Variants in AKAP13 observed in about 807,000 individuals in gnomAD.
AKAP13 encodes the protein A-kinase anchoring protein 13.
AKAP13 carries 80 observed loss-of-function variants against 264.5 expected under a neutral mutation model. The ratio of observed to expected loss-of-function variants is 0.30; its 90% CI spans 0.25 to 0.36. The LOEUF (loss-of-function observed/expected upper bound fraction) is 0.36. Among genes scored for constraint, AKAP13 ranks in the 10% least tolerant of loss-of-function variants. The pLI, the probability that AKAP13 is intolerant of heterozygous loss-of-function variation, is 1.00. For missense variants in AKAP13, 3,712 were observed against 3,435.2 expected (o/e 1.08, Z -2.01); for synonymous variants, 1,380 against 1,250.2 (o/e 1.10, Z -2.19).
chr15:85,442,960 C>G (rs1325980775), intron 1 of AKAP13, among the ~76,000 whole-genome samples: 3 of 152,272 alleles, frequency 2.0e-5, no homozygotes, highest in South Asian at 2.1e-4. Context: ...TTTGTTTCCT[C>G]TCTTCATCCT....
intron 1 of AKAP13, among the ~76,000 whole-genome samples, chr15:85,483,789 C>T (rs1486234908): frequency 5.3e-5 from 8 of 152,158 alleles, no homozygotes; most frequent in South Asian, 4.1e-4. Flanking sequence ...CTAGCCTGGG[C>T]GACAGAGCGA....
rs554870078 is a variant in AKAP13, at chr15:85,461,305, G to A, written c.-11-24405G>A. 2.5e-3 allele frequency among the ~76,000 whole-genome samples: 386 copies of A among 152,100 alleles called. 1 individual carries two copies. Among genetic ancestry groups the A allele is most frequent in the African/African-American group, 9.0e-3 (372 of 41,478 alleles). ...TAATTTTTGTATTTTTAGTAGAGACGGGGTTTTGCCATGTTGGCCAGGCTG... is the reference window on the plus strand; with the variant it reads ...TAATTTTTGTATTTTTAGTAGAGACAGGGTTTTGCCATGTTGGCCAGGCTG... On this transcript the variant is annotated intron_variant, in intron 1 of 36. Transcript: ENST00000394518.
intron 17 of AKAP13, among the ~76,000 whole-genome samples, chr15:85,707,276 G>A (rs1178533291): frequency 2.0e-5 from 3 of 152,308 alleles, no homozygotes; most frequent in Non-Finnish European, 4.4e-5. Flanking sequence ...GGGTTTTTAC[G>A]TCAGTGGCCC....
chr15:85,607,596 TAG>T (rs1491219965), intron 8 of AKAP13, among the ~76,000 whole-genome samples: 1 of 152,214 alleles, frequency 6.6e-6, no homozygotes, highest in Non-Finnish European at 1.5e-5. Flanking sequence ...GCTAGCTTAA[TAG>T]AGTCACTAAG....
chr15:85,685,318 A>G (rs548590861), intron 16 of AKAP13: 2 of 152,656 alleles, frequency 1.3e-5, no homozygotes, highest in African/African-American at 2.4e-5. Context: ...GAAAATATTT[A>G]TATTTGGCTT....
intron 5 of AKAP13, among the ~76,000 whole-genome samples, chr15:85,570,351 C>T (rs577174612): frequency 3.3e-5 from 5 of 152,212 alleles, no homozygotes; most frequent in South Asian, 2.1e-4. Context: ...ACTTGGGAGG[C>T]GGAGGCAGGA....
chr15:85,640,718 T>C (rs2082269320), intron 9 of AKAP13, among the ~76,000 whole-genome samples: 2 of 152,182 alleles, frequency 1.3e-5, no homozygotes, highest in Non-Finnish European at 2.9e-5. Context: ...CCTTAAACTG[T>C]TTGGGGCTTT....
chr15:85,666,034 T>C (rs2083576901), intron 13 of AKAP13, among the ~76,000 whole-genome samples: 1 of 152,240 alleles, frequency 6.6e-6, no homozygotes, highest in Non-Finnish European at 1.5e-5. Context: ...CCTTTGGGTA[T>C]ATACCCAGTA....
In AKAP13 at chr15:85,529,035, T is replaced by C. The variant is rs534787882; in HGVS notation, c.182-4549T>C. On this transcript the variant is annotated intron_variant, in intron 3 of 36. Transcript: ENST00000394518. ...CTATTGTTCTTCCTACTGCAGCTTC[T>C]GTTTTTATGCAGAAAGTTAGATTGT... Among the ~76,000 whole-genome samples, 3 of 152,336 alleles carry C rather than the reference T, an allele frequency of 2.0e-5. No homozygotes were observed. The East Asian group carries it at 5.8e-4, about 29-fold the overall frequency.
Position 85,732,096 on chromosome 15 carries a change from AAAC to A in AKAP13, c.7282+1390_7282+1392del, listed in dbSNP as rs1319746788. 2.6e-5 allele frequency among the ~76,000 whole-genome samples: 4 copies of A among 151,948 alleles called. 1 individual carries two copies. The South Asian group carries it at 6.2e-4, about 24-fold the overall frequency. ...AGACTATCTCAAAAAAAAAAAAAAA[AAAC>A]GTTTGATGGATTTCAAGTCATTGCA... On this transcript the variant is annotated intron_variant, in intron 30 of 36. Transcript: ENST00000394518.
intron 1 of AKAP13, among the ~76,000 whole-genome samples, chr15:85,465,026 C>T (rs113285999): frequency 4.6e-5 from 7 of 152,142 alleles, no homozygotes; most frequent in East Asian, 1.9e-4. Context: ...CTGCAAGCTC[C>T]GCCTCCTGGG....
At chr15:85,670,909 G>A (rs140877468) in intron 14 of AKAP13, 1 of 152,244 alleles carries the variant, frequency 6.6e-6, no homozygotes, top group East Asian at 1.9e-4. Context: ...ACTTGGATTG[G>A]ATCAGTGTTG....
Position 85,718,568 on chromosome 15 carries a change from A to G in AKAP13, c.6001+409A>G, listed in dbSNP as rs2087093761. Among the ~76,000 whole-genome samples, 3 of 152,202 alleles carry G rather than the reference A, an allele frequency of 2.0e-5. No individual in the cohort carries two copies. The highest frequency in any genetic ancestry group is 7.2e-5 in the African/African-American group (3 of 41,450). On this transcript the variant is annotated intron_variant, in intron 22 of 36. Transcript: ENST00000394518. This position sits in a 1 kb window ranked among gnomAD's most constrained non-coding sequence, Gnocchi z 4.9. Reference sequence around the variant, plus strand: ...AAGACTGATGGAATCCGGGGTACCTATTATCAGAAAATAGGACACGTGAAA... The same window carrying G: ...AAGACTGATGGAATCCGGGGTACCTGTTATCAGAAAATAGGACACGTGAAA...
chr15:85,721,898 C>T lies in AKAP13; in HGVS notation c.6253-93C>T, dbSNP rs2087312413. The T allele has an allele frequency of 3.2e-6, 5 of 1,557,688 alleles. No homozygotes were observed. The Admixed American group carries it at 7.8e-5, about 24-fold the overall frequency. On this transcript the variant is annotated intron_variant, in intron 23 of 36. Coordinates refer to ENST00000394518, the MANE Select transcript of AKAP13 (RefSeq NM_007200.5). ...TTGGGAGAATTTATGAGGAAGCGCTCTTGACTTTTACAACTAGACTGGAAA... is the reference window on the plus strand; with the variant it reads ...TTGGGAGAATTTATGAGGAAGCGCTTTTGACTTTTACAACTAGACTGGAAA...
intron 1 of AKAP13, among the ~76,000 whole-genome samples, chr15:85,479,462 A>ACATTGTGCTTCATTGTGCTT (rs1286150291): frequency 1.1e-4 from 16 of 152,210 alleles, no homozygotes; most frequent in African/African-American, 3.6e-4. Flanking sequence ...CATTTGAAGC[A>ACATTGTGCTTCATTGTGCTT]CATTGTGCCA....
chr15:85,613,691 A>ATATATATATGTATGT (rs1555450578), intron 8 of AKAP13, among the ~76,000 whole-genome samples: 1 of 91,968 alleles, frequency 1.1e-5, no homozygotes, highest in Admixed American at 1.0e-4. Flanking sequence ...AAAAAAAAAA[A>ATATATATATGTATGT]ATATATATAT....
At chr15:85,542,334 T>C (rs1455099035) in intron 4 of AKAP13, among the ~76,000 whole-genome samples, 1 of 152,124 alleles carries the variant, frequency 6.6e-6, no homozygotes, top group African/African-American at 2.4e-5. Flanking sequence ...GTAGGGAAAA[T>C]ATACAATATG....
chr15:85,559,953 G>A lies in AKAP13; in HGVS notation c.663-15178G>A, dbSNP rs377400840. Reference sequence around the variant, plus strand: ...GTTGGAAAAGAAAAAGTACATTAGTGAGTGAGTAAAGATTATCTGGGATTG... The same window carrying A: ...GTTGGAAAAGAAAAAGTACATTAGTAAGTGAGTAAAGATTATCTGGGATTG... On this transcript the variant is annotated intron_variant, in intron 5 of 36. Coordinates refer to ENST00000394518, the MANE Select transcript of AKAP13 (RefSeq NM_007200.5). 3.3e-5 allele frequency among the ~76,000 whole-genome samples: 5 copies of A among 151,992 alleles called. No homozygotes were observed. In the East Asian group the frequency reaches 7.7e-4, roughly 23 times the overall value.
At chr15:85,611,601 G>A (rs1009966792) in intron 8 of AKAP13, among the ~76,000 whole-genome samples, 1 of 152,190 alleles carries the variant, frequency 6.6e-6, no homozygotes, top group Non-Finnish European at 1.5e-5. Flanking sequence ...TGACTCATCT[G>A]TCTCTAAGCT....
Sources: allele counts gnomAD v4.1 joint callset (sites outside exome capture counted in the v4.1 genomes callset), GRCh38; gene constraint gnomAD v4.1.1; non-coding constraint Gnocchi (gnomAD v3.1); transcripts MANE v1.5; gene names NCBI Gene and HGNC (gene_info 2026-07-23, HGNC 2026-07-21).